GRIP1: variants seen among roughly 807,000 people sequenced by gnomAD.
GRIP1 encodes glutamate receptor interacting protein 1.
In GRIP1, 45 loss-of-function variants were observed where a neutral mutation model predicts 129.9. That is an observed-to-expected ratio of 0.35 (90% confidence interval 0.27 to 0.44). The LOEUF (loss-of-function observed/expected upper bound fraction) is 0.44, where lower values mean the gene tolerates loss of function less well. GRIP1 is among the 20% of genes least tolerant of loss of function. The pLI, the probability that GRIP1 is intolerant of heterozygous loss-of-function variation, is 1.00. For synonymous variants in GRIP1, 530 were observed against 520.8 expected, an observed-to-expected ratio of 1.02 and a Z score of -0.24; for missense variants, 1,196 against 1,396.8, an observed-to-expected ratio of 0.86 and a Z score of 2.29.
chr12:66,451,869 C>T (rs2058818022), intron 11 of GRIP1, among the ~76,000 whole-genome samples: 2 of 152,170 alleles, frequency 1.3e-5, no homozygotes, highest in Admixed American at 1.3e-4. Context: ...TTCTTCAGGG[C>T]TCCCTGAATG....
In GRIP1 at chr12:66,379,469, C is replaced by A. The variant is rs1398141542; in HGVS notation, c.2465-33G>T. ...ATAAACAAGGTGTTAGCATTGGGCC[C>A]AAGGATTACTTAATCCATTGAGAAA... On this transcript the variant is annotated intron_variant, in intron 19 of 24. Coordinates refer to ENST00000359742, the MANE Select transcript of GRIP1 (RefSeq NM_001366722.1). 6 of 1,607,046 alleles carry A rather than the reference C, an allele frequency of 3.7e-6. No individual in the cohort carries two copies. In the East Asian group the frequency reaches 1.3e-4, roughly 36 times the overall value.
intron 1 of GRIP1, among the ~76,000 whole-genome samples, chr12:66,776,979 T>C (rs1031463150): frequency 2.0e-5 from 3 of 152,178 alleles, no homozygotes; most frequent in African/African-American, 7.2e-5. Context: ...ATATGTTGAT[T>C]CCAGGATATA....
intron 1 of GRIP1, among the ~76,000 whole-genome samples, chr12:66,889,065 C>T (rs563256907): frequency 4.0e-4 from 61 of 152,304 alleles, no homozygotes; most frequent in African/African-American, 1.5e-3. Context: ...AAGTCAGTGC[C>T]AGAGTCCAGT....
chr12:66,808,366 C>T (rs2039037328), upstream of GRIP1, among the ~76,000 whole-genome samples: 1 of 152,106 alleles, frequency 6.6e-6, no homozygotes. Context: ...AGCACGATCT[C>T]GGCTCACTGC....
chr12:66,632,522 G>A (rs1448509568), intron 1 of GRIP1, among the ~76,000 whole-genome samples: 1 of 152,070 alleles, frequency 6.6e-6, no homozygotes, highest in Non-Finnish European at 1.5e-5. Flanking sequence ...CCCCAAAAAG[G>A]AAGGTTTCTT....
intron 1 of GRIP1, among the ~76,000 whole-genome samples, chr12:67,000,805 T>C (rs2042540227): frequency 1.3e-5 from 2 of 152,190 alleles, no homozygotes; most frequent in South Asian, 2.1e-4. Flanking sequence ...GTTCATGATA[T>C]AGGGTTGTCA....
At chr12:66,888,761 A>G (rs2040608272) in intron 1 of GRIP1, among the ~76,000 whole-genome samples, 1 of 152,242 alleles carries the variant, frequency 6.6e-6, no homozygotes, top group Non-Finnish European at 1.5e-5. Flanking sequence ...TTTTGCTAAC[A>G]GGAGCTAAAA....
Position 66,371,704 on chromosome 12 carries a change from T to G in GRIP1, c.3002A>C (p.Glu1001Ala). 2 of 1,607,616 alleles carry G rather than the reference T, an allele frequency of 1.2e-6. No individual in the cohort carries two copies. The highest frequency in any genetic ancestry group is 2.2e-5 in the South Asian group (2 of 90,946). ...IKEIMSPTPV[E>A]LHKVTLYKDS... The stretch of plus-strand genomic sequence containing the variant: ...AGAAAGCTTACTGACCTTGTGCAGC[T>G]CCACAGGAGTTGGAGACATGATCTC... Residue 1001 changes from glutamate to alanine, a missense_variant, in exon 23 of 25, where the codon GAG becomes GCG. Transcript: ENST00000359742.
intron 5 of GRIP1, among the ~76,000 whole-genome samples, chr12:66,528,647 G>C (rs555045449): frequency 6.6e-6 from 1 of 152,172 alleles, no homozygotes; most frequent in East Asian, 1.9e-4. Flanking sequence ...ATCAAATCAA[G>C]CATACTAATC....
At chr12:66,579,240 C>G (rs900793556) in intron 2 of GRIP1, among the ~76,000 whole-genome samples, 9 of 152,088 alleles carry the variant, frequency 5.9e-5, no homozygotes, top group African/African-American at 2.2e-4. Flanking sequence ...AAAGGACATC[C>G]ACACCAAAAA....
intron 1 of GRIP1, chr12:67,065,297 C>A (rs937816213): frequency 6.6e-6 from 1 of 152,124 alleles, no homozygotes; most frequent in Non-Finnish European, 1.5e-5. Context: ...AGTGATTGCA[C>A]CACTGCACTC....
At chr12:66,636,321 G>A (rs1331864360) in intron 1 of GRIP1, among the ~76,000 whole-genome samples, 1 of 152,058 alleles carries the variant, frequency 6.6e-6, no homozygotes, top group Non-Finnish European at 1.5e-5. Context: ...AAAAGGTCTG[G>A]AAATAGATTG....
chr12:66,410,122 C>T (rs7487665), intron 15 of GRIP1, among the ~76,000 whole-genome samples: 58 of 148,234 alleles, frequency 3.9e-4, no homozygotes, highest in African/African-American at 1.3e-3. Context: ...TAGTGGCGGG[C>T]GCCTGTAGTC....
At chr12:66,988,591 C>G (rs2042349398) in intron 1 of GRIP1, among the ~76,000 whole-genome samples, 1 of 152,080 alleles carries the variant, frequency 6.6e-6, no homozygotes, top group South Asian at 2.1e-4. Context: ...GTTGCACAGA[C>G]TGGCGTTGAA....
intron 1 of GRIP1, among the ~76,000 whole-genome samples, chr12:66,937,275 C>T (rs929954915): frequency 6.6e-6 from 1 of 152,160 alleles, no homozygotes; most frequent in African/African-American, 2.4e-5. Flanking sequence ...CCACCTTTCT[C>T]AGCTTTATTT....
intron 1 of GRIP1, among the ~76,000 whole-genome samples, chr12:66,794,063 C>T (rs936518702): frequency 2.0e-5 from 3 of 152,118 alleles, no homozygotes; most frequent in South Asian, 4.1e-4. Context: ...ACACTGCTTT[C>T]CCCTTCTATT....
chr12:66,801,449 ACTT>A (rs1162535426), intron 1 of GRIP1, among the ~76,000 whole-genome samples: 16 of 152,116 alleles, frequency 1.1e-4, no homozygotes, highest in Non-Finnish European at 1.8e-4. Flanking sequence ...TATTAAAATA[ACTT>A]CTTTTCCATA....
At chr12:66,884,945 A>G (rs1380609403) in intron 1 of GRIP1, among the ~76,000 whole-genome samples, 1 of 152,224 alleles carries the variant, frequency 6.6e-6, no homozygotes, top group Non-Finnish European at 1.5e-5. Flanking sequence ...TTGGACTTCA[A>G]ATTAGAACTG....
At chr12:66,355,628 G>C (rs1237436414) in intron 23 of GRIP1, among the ~76,000 whole-genome samples, 5 of 152,110 alleles carry the variant, frequency 3.3e-5, no homozygotes, top group Non-Finnish European at 5.9e-5. Context: ...GGTTCACACT[G>C]TGTGGTTGAG....
Sources: gnomAD v4.1 joint callset for allele counts (sites outside exome capture counted in the v4.1 genomes callset) on GRCh38, gnomAD v4.1.1 for gene constraint, MANE v1.5 for transcripts, NCBI Gene and HGNC (gene_info 2026-07-23, HGNC 2026-07-21) for gene names.